Variants in GRHL3 observed in about 807,000 individuals in gnomAD.
The protein encoded by GRHL3 is grainyhead-like protein 3 homolog.
Under a neutral mutation model 70.3 loss-of-function variants are expected in GRHL3, and 20 were observed. That is an observed-to-expected ratio of 0.28 (90% CI 0.20 to 0.41). GRHL3 has a LOEUF of 0.41. GRHL3 is among the 10% of genes least tolerant of loss of function. The probability of loss-of-function intolerance (pLI) is 1.00; values close to 1 mark genes in which losing one functional copy is unlikely to be tolerated. For synonymous variants in GRHL3, 299 were observed against 299.9 expected (o/e 1.00, Z 0.03); for missense variants, 637 against 762.3 (o/e 0.84, Z 1.94).
Position 24,364,184 on chromosome 1 carries a change from G to A in GRHL3, c.1695-1G>A, listed in dbSNP as rs1305065788. 3.4e-6 allele frequency: 5 copies of A among 1,490,506 alleles called. No individual in the cohort carries two copies. In the East Asian group the frequency reaches 1.3e-4, roughly 39 times the overall value. The allele number at this position is 1,490,506 out of a possible 1,614,324, so 92.3% of individuals were successfully genotyped here. On this transcript the variant is annotated splice_acceptor_variant, in intron 15 of 15. Transcript: ENST00000350501. LOFTEE classifies it high-confidence loss of function. ...TTCTTGACGTTCTCACTTTCTTCCAGGGAAACTTCTCTCCTCCACCCACGC... is the reference window on the plus strand; with the variant it reads ...TTCTTGACGTTCTCACTTTCTTCCAAGGAAACTTCTCTCCTCCACCCACGC...
rs202164828 is a variant in GRHL3, at chr1:24,331,439, C to T, written c.31C>T (p.Arg11Trp). MSNELDFRSV[R>W]LLKNDPVNLQ... ...ACTTGCATTCAGTTTCAGGTCTGTG[C>T]GGCTGCTAAAGAACGACCCAGTCAA... The change falls in exon 2 of 16, where the codon CGG (arginine) becomes TGG (tryptophan). Residue 11 changes from arginine to tryptophan, a missense_variant. This residue lies in a region of GRHL3 where 250 missense variants were observed against 248.6 expected (regional missense o/e 1.01). Transcript: ENST00000361548. The T allele has an allele frequency of 4.3e-6, 7 of 1,611,628 alleles. No individual in the cohort carries two copies. The highest frequency in any genetic ancestry group is 1.6e-4 in the Middle Eastern group (1 of 6,084).
chr1:24,338,425 A>C (rs1458309627), intron 7 of GRHL3, among the ~76,000 whole-genome samples: 2 of 152,206 alleles, frequency 1.3e-5, no homozygotes, highest in Non-Finnish European at 2.9e-5. Context: ...GCAGGTTCGG[A>C]AGGCCTGAGG....
intron 15 of GRHL3, among the ~76,000 whole-genome samples, chr1:24,354,025 A>C (rs1640618460): frequency 6.6e-6 from 1 of 152,180 alleles, no homozygotes; most frequent in Non-Finnish European, 1.5e-5. Context: ...CCGAGTCCTC[A>C]ATATGGTGAC....
intron 8 of GRHL3, among the ~76,000 whole-genome samples, chr1:24,341,124 G>A (rs1041380349): frequency 5.9e-5 from 9 of 152,214 alleles, no homozygotes; most frequent in East Asian, 3.9e-4. Flanking sequence ...AGCCTGCGTC[G>A]GGGGGACCGG....
chr1:24,339,812 C>A, intron 8 of GRHL3, 50 bp downstream of exon 8: 1 of 1,263,972 alleles, frequency 7.9e-7, no homozygotes, highest in African/African-American at 1.5e-5. Flanking sequence ...CCTGGAAGTC[C>A]CTATTCTGGG....
At chr1:24,325,733 T>A (rs1639364367) in intron 1 of GRHL3, among the ~76,000 whole-genome samples, 1 of 152,088 alleles carries the variant, frequency 6.6e-6, no homozygotes, top group Admixed American at 6.5e-5. Context: ...AAAGGTCCCA[T>A]CCCCTCCTCC....
chr1:24,323,389 C>T (rs1265456456), intron 1 of GRHL3, among the ~76,000 whole-genome samples: 1 of 152,172 alleles, frequency 6.6e-6, no homozygotes, highest in Non-Finnish European at 1.5e-5. Flanking sequence ...GATTCTGATG[C>T]GTGTCCAAGT....
In GRHL3 at chr1:24,339,763, G is replaced by C; in HGVS notation, c.1047+1G>C. On this transcript the variant is annotated splice_donor_variant, in intron 8 of 15. Transcript: ENST00000361548. LOFTEE classifies it high-confidence loss of function. The stretch of plus-strand genomic sequence containing the variant: ...GTGGAACGTGAATGAAGAGGCCAAG[G>C]TCAGTGCTGAGGGCAGTGGCTGGGA... 6.2e-7 allele frequency: 1 copy of C among 1,607,464 alleles called. No individual in the cohort carries two copies. Among genetic ancestry groups the C allele is most frequent in the South Asian group, 1.1e-5 (1 of 90,634 alleles).
Position 24,347,551 on chromosome 1 carries a change from G to A in GRHL3, c.1627G>A (p.Ala543Thr). 1 of 1,613,092 alleles carries A rather than the reference G, an allele frequency of 6.2e-7. No homozygotes were observed. The highest frequency in any genetic ancestry group is 8.5e-7 in the Non-Finnish European group (1 of 1,179,050). The change falls in exon 14 of 16, where the codon GCG becomes ACG. Residue 543 changes from alanine (A) to threonine (T), a missense_variant and splice_region_variant. Physicochemically the swap from Ala to Thr is moderately conservative, Grantham distance 58. This residue lies in a region of GRHL3 where 387 missense variants were observed against 513.8 expected (regional missense o/e 0.75). Coordinates refer to ENST00000361548, the MANE Select transcript of GRHL3 (RefSeq NM_198173.3). ...CCCAGACCTGAAGGGGCTGAGGAATGCGGTAAGCTGCCTGTGGACCCCGCC... is the reference window on the plus strand; with the variant it reads ...CCCAGACCTGAAGGGGCTGAGGAATACGGTAAGCTGCCTGTGGACCCCGCC... ...KTPDLKGLRN[A>T]ISEKYGFPEE...
Position 24,342,051 on chromosome 1 carries a change from C to G in GRHL3, c.1048-64C>G. On this transcript the variant is annotated intron_variant, in intron 8 of 15. Transcript: ENST00000361548. This position sits in a 1 kb window ranked among gnomAD's most constrained non-coding sequence, Gnocchi z 4.8. ...ACAGAAAGCTAGAAATACAGGATCA[C>G]TGTGGGACGGTGGGGCTGGCCACCT... 1 of 1,449,096 alleles carries G rather than the reference C, an allele frequency of 6.9e-7. No individual in the cohort carries two copies. The allele number at this position is 1,449,096 out of a possible 1,614,324, so 89.8% of individuals were successfully genotyped here. A position where few individuals can be genotyped will look rare whatever the true frequency, so the allele number is the denominator to read the frequency against.
At chr1:24,336,423 C>T (rs1639813513) in intron 3 of GRHL3, 59 bp from the exon 4 acceptor site, 1 of 1,217,984 alleles carries the variant, frequency 8.2e-7, no homozygotes, top group Non-Finnish European at 1.2e-6. Context: ...GCACTCTAGC[C>T]AAAGACCCCC....
At chr1:24,338,466 T>TG (rs1247547084) in intron 7 of GRHL3, among the ~76,000 whole-genome samples, 1 of 152,202 alleles carries the variant, frequency 6.6e-6, no homozygotes, top group Non-Finnish European at 1.5e-5. Flanking sequence ...TTTTGGGAGC[T>TG]GGGCGGGGGA....
intron 8 of GRHL3, 76 bp downstream of exon 8, chr1:24,339,838 C>A: frequency 1.1e-6 from 1 of 894,380 alleles, no homozygotes. Flanking sequence ...GGCTTTCTTG[C>A]ACCTAGGATA....
rs118151230 is a variant in GRHL3, at chr1:24,329,295, C to T, written c.18-2131C>T. Among the ~76,000 whole-genome samples, 42 of 152,304 alleles carry T rather than the reference C, an allele frequency of 2.8e-4. No homozygotes were observed. The East Asian group carries it at 8.1e-3, about 29-fold the overall frequency. On this transcript the variant is annotated intron_variant, in intron 1 of 15. Coordinates refer to ENST00000361548, the MANE Select transcript of GRHL3 (RefSeq NM_198173.3). ...CGCCTCCTGTATGCTGAGGTATGGCCTGGCCTGCTGTTCCCACTGCAGTCT... is the reference window on the plus strand; with the variant it reads ...CGCCTCCTGTATGCTGAGGTATGGCTTGGCCTGCTGTTCCCACTGCAGTCT...
rs574391995 is a variant in GRHL3, at chr1:24,336,061, T to C, written c.267-421T>C. On this transcript the variant is annotated intron_variant, in intron 3 of 15. Transcript: ENST00000361548. ...ATCCTTCCAGATCTTTTCCTAAACA[T>C]GTGTTAATTGTACTCAGAGATACAC... Among the ~76,000 whole-genome samples, 7 of 152,298 alleles carry C rather than the reference T, an allele frequency of 4.6e-5. No individual in the cohort carries two copies. In the South Asian group the frequency reaches 1.0e-3, roughly 23 times the overall value.
At chr1:24,356,220 A>T (rs1379636668), downstream of GRHL3, among the ~76,000 whole-genome samples, 1 of 146,130 alleles carries the variant, frequency 6.8e-6, no homozygotes, top group Non-Finnish European at 1.5e-5. Flanking sequence ...CTTTTAGATC[A>T]GTTCCTCCAT....
At chr1:24,349,124 C>T (rs1468198778) in intron 14 of GRHL3, among the ~76,000 whole-genome samples, 1 of 152,108 alleles carries the variant, frequency 6.6e-6, no homozygotes, top group Admixed American at 6.5e-5. Flanking sequence ...CGAAGTTCTG[C>T]ACGTCCAGGT....
chr1:24,335,623 C>T (rs1196535580), intron 3 of GRHL3, among the ~76,000 whole-genome samples: 1 of 148,854 alleles, frequency 6.7e-6, no homozygotes, highest in Non-Finnish European at 1.5e-5. Flanking sequence ...CGCTCTGTTG[C>T]CCAGGCTGGA....
At chr1:24,339,142 G>T (rs527927385) in intron 7 of GRHL3, among the ~76,000 whole-genome samples, 17 of 152,254 alleles carry the variant, frequency 1.1e-4, no homozygotes, top group African/African-American at 3.6e-4. Flanking sequence ...CTGGGGCTTT[G>T]GGCAGATCTG....
Sources: allele counts gnomAD v4.1 joint callset (sites outside exome capture counted in the v4.1 genomes callset), GRCh38; gene constraint gnomAD v4.1.1; regional missense constraint gnomAD v4.1.1; non-coding constraint Gnocchi (gnomAD v3.1); transcripts MANE v1.5; gene names NCBI Gene and HGNC (gene_info 2026-07-23, HGNC 2026-07-21).